The following ITGAM variants were observed in gnomAD, a reference collection of about 807,000 sequenced individuals.
The protein encoded by ITGAM is integrin alpha-M.
ITGAM carries 79 observed loss-of-function variants against 137.5 expected under a neutral mutation model. The ratio of observed to expected loss-of-function variants is 0.57; its 90% confidence interval spans 0.48 to 0.69. The LOEUF is 0.69. Ranked by LOEUF, ITGAM falls within the 30% of genes least tolerant of loss-of-function variation. The pLI is 0.00. For synonymous variants in ITGAM, 583 were observed against 592.3 expected (o/e 0.98, Z 0.23); for missense variants, 1,343 against 1,483.5 (o/e 0.91, Z 1.56).
intron 12 of ITGAM, among the ~76,000 whole-genome samples, chr16:31,278,854 A>G (rs1049064187): frequency 6.6e-6 from 1 of 152,156 alleles, no homozygotes; most frequent in African/African-American, 2.4e-5. Context: ...CGTCATTTAC[A>G]TTAGGTATAT....
rs2080590392 is a variant in ITGAM at position 31,331,892 on chromosome 16, C to T, written c.*185C>T. ...GCAAGTGTCTGTGTGCAAGTGTGTG[C>T]ACATGTGTGCGTGTGCGTGCATGTG... On this transcript the variant is annotated 3_prime_UTR_variant, in exon 30 of 30. Transcript: ENST00000544665. 3.6e-6 allele frequency: 2 copies of T among 553,332 alleles called. No homozygotes were observed. The highest frequency in any genetic ancestry group is 3.2e-5 in the East Asian group (1 of 31,516). The allele number at this position is 553,332 out of a possible 1,614,324, so 34.3% of individuals were successfully genotyped here. A position where few individuals can be genotyped will look rare whatever the true frequency, so the allele number is the denominator to read the frequency against.
intron 12 of ITGAM, among the ~76,000 whole-genome samples, chr16:31,292,772 A>G (rs936971156): frequency 7.2e-5 from 11 of 152,146 alleles, no homozygotes; most frequent in Non-Finnish European, 1.0e-4. Context: ...TACTCTGGGT[A>G]TATCCCCAGT....
At chr16:31,321,126 A>ACT in intron 14 of ITGAM, 115 bp from the exon 15 acceptor site, 1 of 1,171,190 alleles carries the variant, frequency 8.5e-7, no homozygotes, top group Non-Finnish European at 1.2e-6. Flanking sequence ...GTTGCAAGAG[A>ACT]TGAGACTTGA....
chr16:31,313,277 C>G (rs2080355043), intron 14 of ITGAM, among the ~76,000 whole-genome samples: 1 of 152,034 alleles, frequency 6.6e-6, no homozygotes, highest in African/African-American at 2.4e-5. Context: ...GGTTTGTTAC[C>G]TAGGTATACA....
At chr16:31,322,472 C>T (rs556409969) in intron 16 of ITGAM, among the ~76,000 whole-genome samples, 150 of 152,286 alleles carry the variant, frequency 9.8e-4, no homozygotes, top group Non-Finnish European at 6.2e-4. Context: ...TCTTAAGACA[C>T]GAATGCCTAG....
rs988679679 is a variant in ITGAM, at chr16:31,266,308, C to T, written c.427+161C>T. On this transcript the variant is annotated intron_variant, in intron 5 of 29. Transcript: ENST00000544665. ...GCTAGGGAGGTGCTAGGGTCTTGTA[C>T]TTTAGGAAAACGCCTTGGCTAGGCA... 3.3e-5 allele frequency among the ~76,000 whole-genome samples: 5 copies of T among 151,520 alleles called. No homozygotes were observed. The East Asian group carries it at 9.7e-4, about 29-fold the overall frequency.
At chr16:31,294,291 T>C (rs1043697497) in intron 12 of ITGAM, among the ~76,000 whole-genome samples, 1 of 152,180 alleles carries the variant, frequency 6.6e-6, no homozygotes, top group South Asian at 2.1e-4. Context: ...ATAGGACTAG[T>C]GAGCAAAGGC....
intron 12 of ITGAM, among the ~76,000 whole-genome samples, chr16:31,282,093 A>T (rs1420090223): frequency 6.6e-6 from 1 of 152,188 alleles, no homozygotes; most frequent in Non-Finnish European, 1.5e-5. Context: ...ACAGTTTGTT[A>T]TAATTTCTGT....
intron 14 of ITGAM, among the ~76,000 whole-genome samples, chr16:31,310,975 T>G (rs895123161): frequency 1.1e-4 from 16 of 152,082 alleles, no homozygotes; most frequent in South Asian, 4.1e-4. Context: ...TCAGAAATAG[T>G]GCCGCATATC....
chr16:31,269,015 T>C (rs139095174), intron 5 of ITGAM, among the ~76,000 whole-genome samples: 2 of 152,244 alleles, frequency 1.3e-5, no homozygotes, highest in East Asian at 1.9e-4. Context: ...CAGAGTTTTA[T>C]TATCACTCGA....
At chr16:31,276,768 C>CG in intron 10 of ITGAM, 24 bp downstream of exon 10, 4 of 1,554,214 alleles carry the variant, frequency 2.6e-6, no homozygotes, top group Non-Finnish European at 2.6e-6. Context: ...CATTAAATTG[C>CG]GGGGGTGGGG....
chr16:31,293,163 T>C (rs530241644), intron 12 of ITGAM, among the ~76,000 whole-genome samples: 1 of 152,320 alleles, frequency 6.6e-6, no homozygotes, highest in East Asian at 1.9e-4. Flanking sequence ...TACACCTTTG[T>C]TGGATGCATA....
At chr16:31,281,698 GT>G (rs2079971238) in intron 12 of ITGAM, among the ~76,000 whole-genome samples, 1 of 152,080 alleles carries the variant, frequency 6.6e-6, no homozygotes, top group African/African-American at 2.4e-5. Context: ...TTTTTGAAGG[GT>G]TTTTTGTGTC....
In ITGAM at chr16:31,331,880, T is replaced by C. The variant is rs1036928189; in HGVS notation, c.*173T>C. 1.2e-5 allele frequency: 7 copies of C among 563,326 alleles called. No individual in the cohort carries two copies. Among genetic ancestry groups the C allele is most frequent in the Non-Finnish European group, 2.2e-5 (7 of 319,642 alleles). The allele number at this position is 563,326 out of a possible 1,614,324, so 34.9% of individuals were successfully genotyped here. On this transcript the variant is annotated 3_prime_UTR_variant, in exon 30 of 30. Coordinates refer to ENST00000544665, the MANE Select transcript of ITGAM (RefSeq NM_000632.4). ...ATGTGCGTGTGTGCAAGTGTCTGTG[T>C]GCAAGTGTGTGCACATGTGTGCGTG...
chr16:31,274,653 C>T (rs186996409), intron 8 of ITGAM, among the ~76,000 whole-genome samples: 25 of 151,986 alleles, frequency 1.6e-4, no homozygotes, highest in African/African-American at 3.6e-4. Flanking sequence ...CTTGCTCTAT[C>T]GCTCAGGCTG....
chr16:31,291,876 A>G (rs2080090578), intron 12 of ITGAM, among the ~76,000 whole-genome samples: 1 of 152,104 alleles, frequency 6.6e-6, no homozygotes, highest in African/African-American at 2.4e-5. Context: ...GTTTGGTAGC[A>G]CAGTAGGGTG....
At position 31,329,005 on chromosome 16, in the gene ITGAM, T is replaced by C. The variant is rs1419899205; in HGVS notation, c.2793-223T>C. The C allele has an allele frequency of 8.1e-6, 5 of 614,110 alleles. No individual in the cohort carries two copies. The East Asian group carries it at 8.3e-5, about 10-fold the overall frequency. 38.0% of individuals were successfully genotyped at this position (614,110 alleles called of 1,614,324 possible). ...GTGCATGTGTGTATGTGCTCATGGG[T>C]GTGCATTTGTGCACGTGTGTGTGAG... is the stretch of plus-strand genomic sequence containing the variant. On this transcript the variant is annotated intron_variant, in intron 23 of 29. Transcript: ENST00000544665.
intron 14 of ITGAM, among the ~76,000 whole-genome samples, chr16:31,316,314 G>A (rs1223732549): frequency 2.0e-5 from 3 of 150,656 alleles, no homozygotes; most frequent in Non-Finnish European, 4.4e-5. Context: ...GGGAACCTGG[G>A]AGGAAGAGGT....
intron 14 of ITGAM, among the ~76,000 whole-genome samples, chr16:31,306,501 A>C (rs935782974): frequency 2.0e-5 from 3 of 151,630 alleles, no homozygotes; most frequent in African/African-American, 7.3e-5. Flanking sequence ...TAGCAATGCA[A>C]GGTACTCTTT....
Sources: gnomAD v4.1 joint callset for allele counts (sites outside exome capture counted in the v4.1 genomes callset) on GRCh38, gnomAD v4.1.1 for gene constraint, MANE v1.5 for transcripts, NCBI Gene and HGNC (gene_info 2026-07-23, HGNC 2026-07-21) for gene names.